ARB2A: variants seen among roughly 807,000 people sequenced by gnomAD.
ARB2A encodes cotranscriptional regulator ARB2A.
chr5:93,835,739 C>G, the ARB2A span, among the ~76,000 whole-genome samples: 1 of 152,160 alleles, frequency 6.6e-6, no homozygotes, highest in Non-Finnish European at 1.5e-5. Context: ...TACATACACA[C>G]ACACACACTT....
At chr5:93,859,401 A>G in the ARB2A span, among the ~76,000 whole-genome samples, 1 of 152,132 alleles carries the variant, frequency 6.6e-6, no homozygotes, top group Non-Finnish European at 1.5e-5. Context: ...ATGTGAAAGG[A>G]AAAACTCTAA....
chr5:93,871,523 C>T, the ARB2A span, among the ~76,000 whole-genome samples: 1 of 152,132 alleles, frequency 6.6e-6, no homozygotes, highest in Non-Finnish European at 1.5e-5. Flanking sequence ...CTTTCTTTTA[C>T]AATTGCATAT....
At chr5:93,714,834 T>C in the ARB2A span, among the ~76,000 whole-genome samples, 7 of 152,326 alleles carry the variant, frequency 4.6e-5, no homozygotes, top group East Asian at 7.7e-4. Context: ...AGATCTAGTC[T>C]TGATAAGTAC....
At chr5:94,045,128 A>G in the ARB2A span, among the ~76,000 whole-genome samples, 1 of 150,708 alleles carries the variant, frequency 6.6e-6, no homozygotes, top group African/African-American at 2.4e-5. Context: ...AAAAAAAAAA[A>G]AAAAAAAACA....
chr5:93,897,694 T>A, the ARB2A span, among the ~76,000 whole-genome samples: 1 of 151,928 alleles, frequency 6.6e-6, no homozygotes, highest in Admixed American at 6.6e-5. Flanking sequence ...TCTGTAGAGA[T>A]CCTTTATTGA....
chr5:93,790,189 C>T, the ARB2A span, among the ~76,000 whole-genome samples: 1 of 151,982 alleles, frequency 6.6e-6, no homozygotes, highest in Non-Finnish European at 1.5e-5. Context: ...GACAAATCCC[C>T]GTAAGTCATA....
chr5:94,098,035 C>T, the ARB2A span, among the ~76,000 whole-genome samples: 2 of 152,218 alleles, frequency 1.3e-5, no homozygotes, highest in African/African-American at 4.8e-5. Flanking sequence ...TGAGCCTGGA[C>T]ACAACCCTTC....
the ARB2A span, among the ~76,000 whole-genome samples, chr5:94,066,165 A>G: frequency 2.6e-5 from 4 of 152,126 alleles, no homozygotes; most frequent in Non-Finnish European, 4.4e-5. Flanking sequence ...CAAACACGAC[A>G]TACCAAAACC....
the ARB2A span, among the ~76,000 whole-genome samples, chr5:93,793,542 C>G: frequency 2.2e-4 from 33 of 152,092 alleles, no homozygotes; most frequent in Admixed American, 2.1e-3. Flanking sequence ...ACCACATTCT[C>G]ATTCCCTGCA....
chr5:93,919,397 T>G, the ARB2A span, among the ~76,000 whole-genome samples: 4 of 152,276 alleles, frequency 2.6e-5, no homozygotes, highest in South Asian at 2.1e-4. Flanking sequence ...AATAGTGTAT[T>G]ATTTTAGAAT....
At chr5:94,055,728 G>C in the ARB2A span, 3 of 985,412 alleles carry the variant, frequency 3.0e-6, no homozygotes, top group Non-Finnish European at 3.6e-6. Flanking sequence ...GCAGTAGCCA[G>C]AATGTTCTCA....
At chr5:93,926,200 G>A in the ARB2A span, among the ~76,000 whole-genome samples, 1 of 151,814 alleles carries the variant, frequency 6.6e-6, no homozygotes, top group Non-Finnish European at 1.5e-5. Context: ...CGCGATCTCG[G>A]CTCACCGCAA....
chr5:93,883,094 A>G, the ARB2A span, among the ~76,000 whole-genome samples: 30 of 151,682 alleles, frequency 2.0e-4, no homozygotes, highest in Admixed American at 3.3e-4. Context: ...TTCACAAACT[A>G]CTTACAAACT....
At chr5:93,718,552 A>T in the ARB2A span, among the ~76,000 whole-genome samples, 4 of 152,208 alleles carry the variant, frequency 2.6e-5, no homozygotes, top group Non-Finnish European at 5.9e-5. Flanking sequence ...AATGTAATGT[A>T]TGTTAAAGTA....
At chr5:93,675,079 C>T in the ARB2A span, among the ~76,000 whole-genome samples, 1 of 152,266 alleles carries the variant, frequency 6.6e-6, no homozygotes, top group East Asian at 1.9e-4. Context: ...GTACTTTTCA[C>T]TTTCTAATAA....
chr5:93,793,105 C>T, the ARB2A span, among the ~76,000 whole-genome samples: 1 of 151,994 alleles, frequency 6.6e-6, no homozygotes, highest in South Asian at 2.1e-4. Context: ...CAGGGTCTTG[C>T]TCTGTCACCC....
the ARB2A span, among the ~76,000 whole-genome samples, chr5:94,090,007 A>G: frequency 1.3e-5 from 2 of 152,216 alleles, no homozygotes; most frequent in African/African-American, 2.4e-5. Flanking sequence ...TCAGTTCTGA[A>G]TAAGAGCAAT....
chr5:94,089,746 C>T, the ARB2A span, among the ~76,000 whole-genome samples: 4 of 151,828 alleles, frequency 2.6e-5, no homozygotes, highest in African/African-American at 9.7e-5. Context: ...ACGAAGATTC[C>T]AAACACAAAA....
the ARB2A span, among the ~76,000 whole-genome samples, chr5:94,032,253 G>A: frequency 6.6e-6 from 1 of 152,144 alleles, no homozygotes; most frequent in Admixed American, 6.5e-5. Context: ...GGTTCTTCAG[G>A]CTTTAAAGGA....
Sources: gnomAD v4.1 joint callset for allele counts (sites outside exome capture counted in the v4.1 genomes callset) on GRCh38, gnomAD v4.1.1 for gene constraint, MANE v1.5 for transcripts, NCBI Gene and HGNC (gene_info 2026-07-23, HGNC 2026-07-21) for gene names.